SLC39A14: variants seen among roughly 807,000 people sequenced by gnomAD.
SLC39A14 encodes metal cation symporter ZIP14.
SLC39A14 carries 19 observed loss-of-function variants against 45.5 expected under a neutral mutation model. The observed-to-expected ratio is 0.42, with a 90% CI of 0.29 to 0.61. The LOEUF is 0.61. Ranked by LOEUF, SLC39A14 falls within the 20% of genes least tolerant of loss-of-function variation. The pLI, the probability that SLC39A14 is intolerant of heterozygous loss-of-function variation, is 0.22. For missense variants in SLC39A14, 447 were observed against 616.5 expected (o/e 0.73, Z 2.91); for synonymous variants, 264 against 251.3 (o/e 1.05, Z -0.48).
At chr8:22,433,428 T>A (rs1295971466) in intron 8 of SLC39A14, among the ~76,000 whole-genome samples, 4 of 151,022 alleles carry the variant, frequency 2.6e-5, no homozygotes, top group Non-Finnish European at 5.9e-5. Flanking sequence ...AAGAAAATAG[T>A]GTAATATGAC....
intron 1 of SLC39A14, among the ~76,000 whole-genome samples, chr8:22,401,565 T>TTTTG (rs1563550599): frequency 7.0e-6 from 1 of 142,584 alleles, no homozygotes; most frequent in Non-Finnish European, 1.5e-5. Context: ...TTTTTTTTTT[T>TTTTG]GAGATGGAAT....
chr8:22,396,042 T>C (rs745620952), intron 1 of SLC39A14, among the ~76,000 whole-genome samples: 2 of 152,080 alleles, frequency 1.3e-5, no homozygotes, highest in Non-Finnish European at 2.9e-5. Context: ...GCTCACTTCC[T>C]TGGGAGTTGT....
At chr8:22,404,218 G>A (rs1392294073) in intron 1 of SLC39A14, among the ~76,000 whole-genome samples, 1 of 152,124 alleles carries the variant, frequency 6.6e-6, no homozygotes, top group Non-Finnish European at 1.5e-5. Context: ...GAGGTCACGA[G>A]TTCGAGACCA....
At chr8:22,397,793 C>T (rs1019965360) in intron 1 of SLC39A14, among the ~76,000 whole-genome samples, 1 of 152,116 alleles carries the variant, frequency 6.6e-6, no homozygotes, top group African/African-American at 2.4e-5. Flanking sequence ...TCAGGCTCAG[C>T]GGTCACAGCC....
chr8:22,381,264 G>A (rs1407392121), intron 1 of SLC39A14, among the ~76,000 whole-genome samples: 1 of 151,296 alleles, frequency 6.6e-6, no homozygotes, highest in African/African-American at 2.4e-5. Flanking sequence ...GAGCCACCGC[G>A]CCCAGCCCTA....
At chr8:22,423,409 C>T (rs1191436559), downstream of SLC39A14, among the ~76,000 whole-genome samples, 16 of 151,620 alleles carry the variant, frequency 1.1e-4, no homozygotes, top group Non-Finnish European at 2.4e-4. Context: ...GATCTCGGCT[C>T]ACTGCAAACT....
At chr8:22,379,067 G>A (rs1394612617) in intron 1 of SLC39A14, among the ~76,000 whole-genome samples, 1 of 152,172 alleles carries the variant, frequency 6.6e-6, no homozygotes, top group African/African-American at 2.4e-5. Flanking sequence ...GCTTTTGGTG[G>A]CTCCTGGCAT....
chr8:22,391,579 T>G (rs1434093583), intron 1 of SLC39A14, among the ~76,000 whole-genome samples: 1 of 151,852 alleles, frequency 6.6e-6, no homozygotes, highest in Non-Finnish European at 1.5e-5. Context: ...TCTTTTTTTT[T>G]TTTCTTTTGA....
At chr8:22,387,379 A>C (rs1404627186) in intron 1 of SLC39A14, among the ~76,000 whole-genome samples, 7 of 152,184 alleles carry the variant, frequency 4.6e-5, no homozygotes, top group Non-Finnish European at 7.3e-5. Context: ...AGCTAAAAGC[A>C]GAAACGCTTT....
chr8:22,408,668 T>C (rs1835375298), intron 3 of SLC39A14, among the ~76,000 whole-genome samples, 172 bp downstream of exon 3: 1 of 152,190 alleles, frequency 6.6e-6, no homozygotes, highest in Non-Finnish European at 1.5e-5. Context: ...TTTTGTATTT[T>C]GCAAGGATGG....
intron 1 of SLC39A14, among the ~76,000 whole-genome samples, chr8:22,396,385 T>G (rs867696252): frequency 1.9e-3 from 60 of 32,192 alleles, no homozygotes; most frequent in African/African-American, 8.8e-3. Flanking sequence ...AATAAATAAA[T>G]AGAGAGAGAG....
At position 22,404,905 on chromosome 8, in the gene SLC39A14, A is replaced by C. The variant is rs2293144; in HGVS notation, c.195A>C (p.Leu65=). The stretch of plus-strand genomic sequence containing the variant: ...TCACTCTGCAGCAGCTGAAGGCCCT[A>C]CTCAACCACCTGGATGTGGGAGTGG... ...DSLTLQQLKA[L]LNHLDVGVGR... is the part of the protein sequence containing the mutation. The change falls in exon 2 of 9, where the codon CTA becomes CTC. Residue 65 remains leucine (L), a synonymous_variant. Coordinates refer to ENST00000381237, the MANE Select transcript of SLC39A14 (RefSeq NM_001128431.4). 2 of 1,613,836 alleles carry C rather than the reference A, an allele frequency of 1.2e-6. No individual in the cohort carries two copies. Among genetic ancestry groups the C allele is most frequent in the Non-Finnish European group, 1.7e-6 (2 of 1,179,916 alleles).
chr8:22,373,992 A>C (rs917646704), intron 1 of SLC39A14, among the ~76,000 whole-genome samples: 10 of 152,178 alleles, frequency 6.6e-5, no homozygotes, highest in Non-Finnish European at 1.5e-4. Context: ...ACTCGAGCTC[A>C]AGTGATCCAC....
intron 1 of SLC39A14, among the ~76,000 whole-genome samples, chr8:22,395,043 C>G (rs1262300893): frequency 1.3e-5 from 2 of 151,012 alleles, no homozygotes. Context: ...CAGAGTCTCA[C>G]TCTGTCGCCA....
chr8:22,419,715 T>G lies in SLC39A14; in HGVS notation c.*17T>G, dbSNP rs1416147932. On this transcript the variant is annotated 3_prime_UTR_variant, in exon 9 of 9. Transcript: ENST00000381237. ...ATTGGGTAGGGCTCTGCCAAGAGCC[T>G]GTGGGACTGGAAGTCGGGCCCTGGG... 1 of 1,570,028 alleles carries G rather than the reference T, an allele frequency of 6.4e-7. No individual in the cohort carries two copies. The highest frequency in any genetic ancestry group is 2.3e-5 in the East Asian group (1 of 44,186).
At chr8:22,391,299 A>C (rs1367969742) in intron 1 of SLC39A14, among the ~76,000 whole-genome samples, 1 of 152,188 alleles carries the variant, frequency 6.6e-6, no homozygotes, top group Non-Finnish European at 1.5e-5. Flanking sequence ...TTGCATCCCC[A>C]ATACCTAGCA....
At chr8:22,393,343 C>A in intron 1 of SLC39A14, 1 of 603,644 alleles carries the variant, frequency 1.7e-6, no homozygotes, top group Non-Finnish European at 2.1e-6. Context: ...GTGAGATTTG[C>A]TGTTTGCCTG....
chr8:22,393,872 C>G (rs1401869915), intron 1 of SLC39A14, among the ~76,000 whole-genome samples: 3 of 152,260 alleles, frequency 2.0e-5, no homozygotes, highest in East Asian at 3.9e-4. Flanking sequence ...AGGGTTTCAT[C>G]ATGTTGCCTA....
downstream of SLC39A14, among the ~76,000 whole-genome samples, chr8:22,427,008 TG>T (rs1325656625): frequency 1.3e-5 from 2 of 150,150 alleles, no homozygotes; most frequent in African/African-American, 4.9e-5. Context: ...TATGGTTTGT[TG>T]GGGCCGGGTG....
Sources: gnomAD v4.1 joint callset for allele counts (sites outside exome capture counted in the v4.1 genomes callset) on GRCh38, gnomAD v4.1.1 for gene constraint, MANE v1.5 for transcripts, NCBI Gene and HGNC (gene_info 2026-07-23, HGNC 2026-07-21) for gene names.